BRINP1: variants seen among roughly 807,000 people sequenced by gnomAD.
BRINP1 encodes the protein BMP/retinoic acid-inducible neural-specific protein 1.
BRINP1 carries 17 observed loss-of-function variants against 72.9 expected under a neutral mutation model. The observed-to-expected ratio is 0.23, with a 90% CI of 0.16 to 0.35. The LOEUF is 0.35. BRINP1 is among the 10% of genes least tolerant of loss of function. The pLI is 1.00. For missense variants in BRINP1, 850 were observed against 1,001.6 expected, an observed-to-expected ratio of 0.85 and a Z score of 2.04; for synonymous variants, 418 against 378.5, an observed-to-expected ratio of 1.10 and a Z score of -1.21.
intron 4 of BRINP1, among the ~76,000 whole-genome samples, chr9:119,240,219 A>C (rs1393938857): frequency 6.6e-6 from 1 of 152,176 alleles, no homozygotes; most frequent in East Asian, 1.9e-4. Context: ...CAGTGAGCCA[A>C]GATCATGCCA....
At chr9:119,348,623 G>A (rs975802067) in intron 1 of BRINP1, among the ~76,000 whole-genome samples, 1 of 152,210 alleles carries the variant, frequency 6.6e-6, no homozygotes, top group Non-Finnish European at 1.5e-5. Flanking sequence ...TCTCGATTTG[G>A]GAAACTTTTA....
At chr9:119,277,649 G>C (rs1362074254) in intron 2 of BRINP1, among the ~76,000 whole-genome samples, 1 of 152,230 alleles carries the variant, frequency 6.6e-6, no homozygotes, top group Non-Finnish European at 1.5e-5. Context: ...AAGTAGTGCA[G>C]ATGGACACAG....
At chr9:119,360,145 G>C (rs567303471) in intron 1 of BRINP1, among the ~76,000 whole-genome samples, 1 of 152,178 alleles carries the variant, frequency 6.6e-6, no homozygotes, top group Non-Finnish European at 1.5e-5. Context: ...GTCCTCCCTA[G>C]CCTCGGCTAA....
chr9:119,221,748 G>A (rs181908239), intron 5 of BRINP1, among the ~76,000 whole-genome samples: 2 of 152,110 alleles, frequency 1.3e-5, no homozygotes, highest in African/African-American at 4.8e-5. Flanking sequence ...GAATCCTTAG[G>A]TGAAAGATAC....
intron 1 of BRINP1, among the ~76,000 whole-genome samples, chr9:119,348,849 T>C (rs2119030688): frequency 6.6e-6 from 1 of 152,284 alleles, no homozygotes; most frequent in South Asian, 2.1e-4. Context: ...AAATGACCCA[T>C]TAATAAATAA....
chr9:119,226,669 T>G (rs80254102), intron 5 of BRINP1, among the ~76,000 whole-genome samples: 655 of 7,430 alleles, frequency 0.088, 1 homozygote, highest in Middle Eastern at 0.33. Context: ...TATTCTAGGG[T>G]TTTTTTTTGT....
intron 3 of BRINP1, among the ~76,000 whole-genome samples, chr9:119,245,893 A>C (rs879662642): frequency 4.6e-5 from 7 of 151,740 alleles, no homozygotes; most frequent in Non-Finnish European, 8.8e-5. Context: ...ATTTATATTC[A>C]GACAGAAAAG....
chr9:119,215,324 A>G (rs532719294), intron 5 of BRINP1, among the ~76,000 whole-genome samples: 10 of 152,212 alleles, frequency 6.6e-5, no homozygotes, highest in Non-Finnish European at 1.2e-4. Flanking sequence ...TCTGGTACCT[A>G]TGAAAAGTCA....
At chr9:119,225,212 A>G (rs544014657) in intron 5 of BRINP1, among the ~76,000 whole-genome samples, 8 of 152,186 alleles carry the variant, frequency 5.3e-5, no homozygotes, top group African/African-American at 1.9e-4. Flanking sequence ...CATAAAACGG[A>G]ATGAAGTACT....
intron 7 of BRINP1, among the ~76,000 whole-genome samples, chr9:119,197,472 T>A (rs1211156445): frequency 6.6e-6 from 1 of 152,206 alleles, no homozygotes; most frequent in African/African-American, 2.4e-5. Flanking sequence ...ATGGTCAATG[T>A]ATGACAGGTA....
At chr9:119,336,148 A>G (rs558214425) in intron 1 of BRINP1, among the ~76,000 whole-genome samples, 6 of 152,324 alleles carry the variant, frequency 3.9e-5, no homozygotes, top group East Asian at 1.9e-4. Flanking sequence ...GTTTCCTTCA[A>G]GTGCTCTGGA....
At chr9:119,271,512 T>G (rs1830604671) in intron 2 of BRINP1, among the ~76,000 whole-genome samples, 1 of 152,122 alleles carries the variant, frequency 6.6e-6, no homozygotes, top group African/African-American at 2.4e-5. Flanking sequence ...TATTTATTAT[T>G]TATAGGAGAA....
chr9:119,213,203 C>A (rs1829947216), intron 6 of BRINP1, among the ~76,000 whole-genome samples: 1 of 152,210 alleles, frequency 6.6e-6, no homozygotes, highest in East Asian at 1.9e-4. Flanking sequence ...TTGTTCACAG[C>A]AACTCCTCCC....
At chr9:119,200,694 T>G (rs1487668457) in intron 7 of BRINP1, among the ~76,000 whole-genome samples, 1 of 150,252 alleles carries the variant, frequency 6.7e-6, no homozygotes, top group East Asian at 1.9e-4. Context: ...GATGGTAAAC[T>G]GGAACTTGGG....
chr9:119,242,362 T>C, intron 3 of BRINP1, 146 bp from the exon 4 acceptor site: 1 of 685,904 alleles, frequency 1.5e-6, no homozygotes, highest in South Asian at 1.9e-5. Context: ...AAAGGCACAA[T>C]GAAAATAAAC....
intron 2 of BRINP1, among the ~76,000 whole-genome samples, chr9:119,287,908 T>A (rs995307692): frequency 6.6e-6 from 1 of 152,172 alleles, no homozygotes; most frequent in African/African-American, 2.4e-5. Flanking sequence ...AATACCTGGA[T>A]GATGAAATAA....
At chr9:119,286,538 C>T (rs1830762740) in intron 2 of BRINP1, among the ~76,000 whole-genome samples, 2 of 152,136 alleles carry the variant, frequency 1.3e-5, no homozygotes, top group South Asian at 4.1e-4. Flanking sequence ...CCGGCCATCG[C>T]CATCATCATT....
chr9:119,212,724 ATAT>A (rs1464687741), intron 6 of BRINP1, among the ~76,000 whole-genome samples: 13 of 152,204 alleles, frequency 8.5e-5, no homozygotes, highest in Admixed American at 7.9e-4. Context: ...ACTTGAGCAC[ATAT>A]TATATGTTAA....
chr9:119,211,164 CTTTATTTATTTATTTA>C (rs71506209), intron 6 of BRINP1, among the ~76,000 whole-genome samples: 11,601 of 147,172 alleles, frequency 0.079, 744 homozygotes, highest in African/African-American at 0.18. Flanking sequence ...AATACATTAA[CTTTATTTATTTATTTA>C]TTTATTTATT....
Sources: gnomAD v4.1 joint callset for allele counts (sites outside exome capture counted in the v4.1 genomes callset) on GRCh38, gnomAD v4.1.1 for gene constraint, MANE v1.5 for transcripts, NCBI Gene and HGNC (gene_info 2026-07-23, HGNC 2026-07-21) for gene names.